The following COL5A2 variants were observed in gnomAD, a reference collection of about 807,000 sequenced individuals.
COL5A2 encodes collagen alpha-2(V) chain.
COL5A2 carries 23 observed loss-of-function variants against 208.2 expected under a neutral mutation model. The ratio of observed to expected loss-of-function variants is 0.11; its 90% CI spans 0.08 to 0.16. COL5A2 has a LOEUF of 0.16. Among genes scored for constraint, COL5A2 ranks in the 10% least tolerant of loss-of-function variants. COL5A2 has a pLI of 1.00. For missense variants in COL5A2, 1,590 were observed against 1,956.4 expected (o/e 0.81, Z 3.53); for synonymous variants, 625 against 628.5 (o/e 0.99, Z 0.08).
intron 1 of COL5A2, among the ~76,000 whole-genome samples, chr2:189,209,652 A>C (rs2105866235): frequency 6.6e-6 from 1 of 152,354 alleles, no homozygotes; most frequent in South Asian, 2.1e-4. Flanking sequence ...CTTCTGAGAA[A>C]GAAGCAACAA....
the COL5A2 span, among the ~76,000 whole-genome samples, chr2:189,243,471 C>A: frequency 6.6e-6 from 1 of 152,112 alleles, no homozygotes; most frequent in South Asian, 2.1e-4. Flanking sequence ...GGGAAACTCC[C>A]ATTTTTAAAA....
At chr2:189,256,690 T>C in the COL5A2 span, among the ~76,000 whole-genome samples, 4 of 152,234 alleles carry the variant, frequency 2.6e-5, no homozygotes, top group African/African-American at 9.6e-5. Context: ...CTCGCTCTGT[T>C]GCCCAGACTG....
At chr2:189,217,871 T>C (rs114826780) in intron 1 of COL5A2, among the ~76,000 whole-genome samples, 3,952 of 152,280 alleles carry the variant, frequency 0.026, 81 homozygotes, top group Non-Finnish European at 0.039. Context: ...GCAGAGTTCA[T>C]GGAATCACAT....
the COL5A2 span, among the ~76,000 whole-genome samples, chr2:189,425,759 C>T: frequency 6.6e-6 from 1 of 152,106 alleles, no homozygotes; most frequent in Non-Finnish European, 1.5e-5. Context: ...ATGCTGTTCT[C>T]GTAACAGAGT....
intron 2 of COL5A2, among the ~76,000 whole-genome samples, chr2:189,108,860 A>G (rs547875288): frequency 6.6e-6 from 1 of 151,444 alleles, no homozygotes; most frequent in Admixed American, 6.6e-5. Context: ...GATCCCTCAT[A>G]TTTCATCTTC....
intron 17 of COL5A2, among the ~76,000 whole-genome samples, chr2:189,072,786 A>AAAAAAAAG (rs1686305708): frequency 6.6e-6 from 1 of 150,692 alleles, no homozygotes. Flanking sequence ...AAAAAAAAAA[A>AAAAAAAAG]CCATCTGGAT....
chr2:189,263,520 A>T, the COL5A2 span, among the ~76,000 whole-genome samples: 5 of 152,080 alleles, frequency 3.3e-5, no homozygotes, highest in Non-Finnish European at 7.4e-5. Flanking sequence ...GTTTGTGGTG[A>T]TTCTGGTGAA....
At chr2:189,067,917 C>T (rs1158036411) in intron 21 of COL5A2, 98 bp downstream of exon 21, 8 of 1,010,292 alleles carry the variant, frequency 7.9e-6, no homozygotes, top group South Asian at 6.6e-5. Context: ...GGATAAGTCA[C>T]GTTATCTATG....
intron 1 of COL5A2, among the ~76,000 whole-genome samples, chr2:189,139,552 C>T (rs558501065): frequency 6.8e-4 from 103 of 152,154 alleles, no homozygotes; most frequent in Middle Eastern, 3.4e-3. Flanking sequence ...ATATGGGATC[C>T]TGTGAGGGAT....
At chr2:189,212,857 A>G (rs1689232990) in intron 1 of COL5A2, among the ~76,000 whole-genome samples, 1 of 121,686 alleles carries the variant, frequency 8.2e-6, no homozygotes, top group Admixed American at 9.7e-5. Flanking sequence ...CTATAAATAT[A>G]GTGTTAAATA....
At chr2:189,310,757 G>A in the COL5A2 span, among the ~76,000 whole-genome samples, 1 of 151,690 alleles carries the variant, frequency 6.6e-6, no homozygotes, top group Admixed American at 6.6e-5. Flanking sequence ...AAAAGAATGA[G>A]ATCTAGTCAC....
chr2:189,083,448 T>A (rs180723345), intron 12 of COL5A2, among the ~76,000 whole-genome samples: 26 of 152,178 alleles, frequency 1.7e-4, no homozygotes, highest in Admixed American at 1.6e-3. Flanking sequence ...CCCAGAACAT[T>A]AATCAAGAAT....
chr2:189,229,506 T>G (rs1343285164), upstream of COL5A2, among the ~76,000 whole-genome samples: 2 of 150,590 alleles, frequency 1.3e-5, no homozygotes, highest in Non-Finnish European at 3.0e-5. Context: ...AAAATCAACA[T>G]ACAAAACTAA....
chr2:189,390,249 A>G, the COL5A2 span, among the ~76,000 whole-genome samples: 26,386 of 152,130 alleles, frequency 0.17, 2,380 homozygotes, highest in South Asian at 0.21. Context: ...GCATATGCCC[A>G]GATGGTTTGG....
intron 6 of COL5A2, among the ~76,000 whole-genome samples, chr2:189,094,597 A>T (rs1170391642): frequency 2.0e-5 from 2 of 100,822 alleles, no homozygotes; most frequent in African/African-American, 6.9e-5. Flanking sequence ...TGACACACAC[A>T]CACACACACA....
chr2:189,162,026 C>T (rs949815666), intron 1 of COL5A2, among the ~76,000 whole-genome samples: 8 of 152,122 alleles, frequency 5.3e-5, no homozygotes, highest in Admixed American at 4.6e-4. Flanking sequence ...GTTCATGTAG[C>T]GGAATGACTT....
the COL5A2 span, among the ~76,000 whole-genome samples, chr2:189,247,547 T>C: frequency 6.6e-6 from 1 of 151,736 alleles, no homozygotes; most frequent in Non-Finnish European, 1.5e-5. Flanking sequence ...TTACATGGCA[T>C]ACCAGGTTAG....
the COL5A2 span, among the ~76,000 whole-genome samples, chr2:189,243,860 C>T: frequency 6.6e-6 from 1 of 152,150 alleles, no homozygotes; most frequent in Non-Finnish European, 1.5e-5. Flanking sequence ...ATAAATACGG[C>T]CATTCAAAAT....
At chr2:189,259,165 G>C in the COL5A2 span, among the ~76,000 whole-genome samples, 1 of 152,130 alleles carries the variant, frequency 6.6e-6, no homozygotes, top group Non-Finnish European at 1.5e-5. Flanking sequence ...AATGCTTCTG[G>C]TGGCAGAACA....
Sources: gnomAD v4.1 joint callset for allele counts (sites outside exome capture counted in the v4.1 genomes callset) on GRCh38, gnomAD v4.1.1 for gene constraint, MANE v1.5 for transcripts, NCBI Gene and HGNC (gene_info 2026-07-23, HGNC 2026-07-21) for gene names.